Variants in CCDC178 observed in about 807,000 individuals in gnomAD.
CCDC178 encodes the protein coiled-coil domain containing 178.
Under a neutral mutation model 117.4 loss-of-function variants are expected in CCDC178, and 126 were observed. The ratio of observed to expected loss-of-function variants is 1.07; its 90% confidence interval spans 0.93 to 1.24. The LOEUF (loss-of-function observed/expected upper bound fraction) is 1.24. Ranked by LOEUF, CCDC178 falls within the 50% of genes most tolerant of loss-of-function variation. The pLI is 0.00. For missense variants in CCDC178, 1,030 were observed against 986.9 expected (o/e 1.04, Z -0.59); for synonymous variants, 283 against 313.4 (o/e 0.90, Z 1.02).
At position 33,245,287 on chromosome 18, in the gene CCDC178, A is replaced by T; in HGVS notation, c.1551T>A (p.Asp517Glu). 1 of 1,598,908 alleles carries T rather than the reference A, an allele frequency of 6.3e-7. No individual in the cohort carries two copies. The highest frequency in any genetic ancestry group is 8.5e-7 in the Non-Finnish European group (1 of 1,173,786). ...CTTCTGCTATTTTATCTTCCATTTCATCTGTCTTGTGTTTGGTTAGGTGGA... is the reference window on the plus strand; with the variant it reads ...CTTCTGCTATTTTATCTTCCATTTCTTCTGTCTTGTGTTTGGTTAGGTGGA... ...TLFHLTKHKT[D>E]EMEDKIAEVR... Residue 517 changes from aspartate to glutamate, a missense_variant, in exon 15 of 23, where the codon GAT (aspartate) becomes GAA (glutamate). By Grantham distance (45) the Asp-to-Glu change is conservative. Coordinates refer to ENST00000383096, the MANE Select transcript of CCDC178 (RefSeq NM_001105528.4).
At chr18:33,273,680 T>C (rs1220046688) in intron 12 of CCDC178, among the ~76,000 whole-genome samples, 1 of 151,662 alleles carries the variant, frequency 6.6e-6, no homozygotes, top group Admixed American at 6.6e-5. Flanking sequence ...ACAAATGAAT[T>C]TGAACTTCTA....
intron 11 of CCDC178, 127 bp downstream of exon 11, chr18:33,323,364 C>A (rs2062540917): frequency 4.3e-6 from 2 of 464,550 alleles, no homozygotes. Flanking sequence ...GGTGATAAGA[C>A]AGGTATGAAT....
At chr18:33,108,900 TA>T (rs913689247) in intron 20 of CCDC178, among the ~76,000 whole-genome samples, 1 of 151,664 alleles carries the variant, frequency 6.6e-6, no homozygotes, top group African/African-American at 2.4e-5. Context: ...AGGGAAATTA[TA>T]AAAAAATTCA....
At chr18:33,422,139 A>G (rs913072655) in intron 2 of CCDC178, among the ~76,000 whole-genome samples, 2 of 152,094 alleles carry the variant, frequency 1.3e-5, no homozygotes, top group Admixed American at 1.3e-4. Context: ...TTCAATTACC[A>G]TTTTTAAATT....
intron 6 of CCDC178, among the ~76,000 whole-genome samples, chr18:33,360,930 T>C (rs1383267730): frequency 6.6e-6 from 1 of 151,622 alleles, no homozygotes; most frequent in Admixed American, 6.6e-5. Flanking sequence ...AAGCAATATA[T>C]AGATTTAATG....
intron 5 of CCDC178, among the ~76,000 whole-genome samples, chr18:33,376,822 T>G (rs998115456): frequency 6.6e-6 from 1 of 152,256 alleles, no homozygotes. Flanking sequence ...ATGGTGTATA[T>G]GCACCACATT....
chr18:33,059,208 C>T (rs1267178804), intron 21 of CCDC178, among the ~76,000 whole-genome samples: 1 of 152,042 alleles, frequency 6.6e-6, no homozygotes, highest in Non-Finnish European at 1.5e-5. Flanking sequence ...ATAAATGGAC[C>T]TGTAAGATTT....
At chr18:33,001,410 G>A (rs1427337090) in intron 21 of CCDC178, among the ~76,000 whole-genome samples, 2 of 148,632 alleles carry the variant, frequency 1.3e-5, no homozygotes, top group African/African-American at 5.2e-5. Flanking sequence ...CTACTTGGGA[G>A]GCTGAGGCAG....
intron 3 of CCDC178, among the ~76,000 whole-genome samples, chr18:33,405,173 T>C (rs1383100143): frequency 1.3e-5 from 2 of 151,896 alleles, no homozygotes; most frequent in African/African-American, 2.4e-5. Context: ...AATAGAACAA[T>C]AGTTATTTAA....
chr18:33,243,848 T>C (rs2059515707), intron 15 of CCDC178, among the ~76,000 whole-genome samples: 1 of 151,986 alleles, frequency 6.6e-6, no homozygotes, highest in Non-Finnish European at 1.5e-5. Flanking sequence ...AAGTGGATGA[T>C]GATATCTTCA....
At chr18:33,243,987 A>T (rs2059517668) in intron 15 of CCDC178, among the ~76,000 whole-genome samples, 1 of 152,030 alleles carries the variant, frequency 6.6e-6, no homozygotes, top group Admixed American at 6.6e-5. Context: ...CTTGTATTTT[A>T]ATTTATTCTA....
intron 11 of CCDC178, among the ~76,000 whole-genome samples, chr18:33,321,459 T>C (rs1599158255): frequency 6.6e-6 from 1 of 152,154 alleles, no homozygotes; most frequent in Non-Finnish European, 1.5e-5. Context: ...AAAATAACCT[T>C]GACTACTTAA....
chr18:32,981,571 G>A (rs2055155585), intron 21 of CCDC178, among the ~76,000 whole-genome samples: 1 of 152,150 alleles, frequency 6.6e-6, no homozygotes, highest in Non-Finnish European at 1.5e-5. Flanking sequence ...TGACATCTCT[G>A]CAAGAAAGGC....
At chr18:33,060,100 C>A (rs1052536124) in intron 21 of CCDC178, among the ~76,000 whole-genome samples, 7 of 152,052 alleles carry the variant, frequency 4.6e-5, no homozygotes, top group Non-Finnish European at 1.0e-4. Context: ...GTATAGGTAT[C>A]TACTTTTTTG....
chr18:33,337,713 A>C (rs2144647199), intron 9 of CCDC178, among the ~76,000 whole-genome samples: 1 of 152,328 alleles, frequency 6.6e-6, no homozygotes, highest in East Asian at 1.9e-4. Flanking sequence ...CACATGTAGA[A>C]GAATGAAACT....
chr18:33,081,008 A>T (rs1322980784), intron 21 of CCDC178, among the ~76,000 whole-genome samples: 1 of 152,228 alleles, frequency 6.6e-6, no homozygotes, highest in Non-Finnish European at 1.5e-5. Context: ...CCTTATAGGA[A>T]GTAGGGAAAC....
rs552274730 is a variant in CCDC178 at position 33,187,534 on chromosome 18, C to T, written c.2238+24362G>A. 2.0e-5 allele frequency among the ~76,000 whole-genome samples: 3 copies of T among 152,160 alleles called. No individual in the cohort carries two copies. The East Asian group carries it at 5.8e-4, about 29-fold the overall frequency. On this transcript the variant is annotated intron_variant, in intron 20 of 22. Transcript: ENST00000383096. ...TAACCAGACTCAAGTTCAGGGAGGA[C>T]TCAGGGATCAGATACAAAATGTGAC...
chr18:33,319,666 A>C, intron 11 of CCDC178, among the ~76,000 whole-genome samples: 1 of 152,140 alleles, frequency 6.6e-6, no homozygotes, highest in African/African-American at 2.4e-5. Flanking sequence ...CAACAGTGTA[A>C]AAGTGTTCCT....
intron 9 of CCDC178, among the ~76,000 whole-genome samples, chr18:33,345,617 T>A: frequency 6.6e-6 from 1 of 152,140 alleles, no homozygotes; most frequent in East Asian, 1.9e-4. Flanking sequence ...CACTTTAAAT[T>A]CCTAAAGTTC....
Sources: gnomAD v4.1 joint callset for allele counts (sites outside exome capture counted in the v4.1 genomes callset) on GRCh38, gnomAD v4.1.1 for gene constraint, MANE v1.5 for transcripts, NCBI Gene and HGNC (gene_info 2026-07-23, HGNC 2026-07-21) for gene names.